Variants in DGCR2 observed in about 807,000 individuals in gnomAD.
DGCR2 encodes DiGeorge syndrome critical region gene 2, also known as integral membrane protein DGCR2/IDD.
Under a neutral mutation model 51.6 loss-of-function variants are expected in DGCR2, and 24 were observed. The ratio of observed to expected loss-of-function variants is 0.47; its 90% CI spans 0.34 to 0.65. The LOEUF is 0.65. Among genes scored for constraint, DGCR2 ranks in the 30% least tolerant of loss-of-function variants. The probability of loss-of-function intolerance (pLI) is 0.01; values close to 1 mark genes in which losing one functional copy is unlikely to be tolerated. For missense variants in DGCR2, 765 were observed against 772.1 expected, an observed-to-expected ratio of 0.99 and a Z score of 0.11; for synonymous variants, 340 against 315.4, an observed-to-expected ratio of 1.08 and a Z score of -0.82.
intron 1 of DGCR2, 111 bp downstream of exon 1, chr22:19,122,017 T>A: frequency 4.6e-4 from 231 of 499,940 alleles, no homozygotes; most frequent in Middle Eastern, 7.3e-4. Context: ...CGCCCGCCCC[T>A]GCCCCAGGCG....
chr22:19,068,259 T>C (rs1309276479), intron 2 of DGCR2, 34 bp from the exon 3 acceptor site: 1 of 1,551,294 alleles, frequency 6.4e-7, no homozygotes, highest in South Asian at 1.2e-5. Flanking sequence ...CTGTGAGTCC[T>C]GCCTGTGCAG....
At chr22:19,063,138 G>T in intron 5 of DGCR2, 64 bp downstream of exon 5, 5 of 1,476,636 alleles carry the variant, frequency 3.4e-6, no homozygotes, top group Non-Finnish European at 4.7e-6. Flanking sequence ...AGGGAGGAGG[G>T]GAGGCCCCGA....
intron 2 of DGCR2, among the ~76,000 whole-genome samples, chr22:19,084,781 G>C (rs1256178117): frequency 7.5e-6 from 1 of 132,578 alleles, no homozygotes; most frequent in Non-Finnish European, 1.6e-5. Flanking sequence ...GCCCCCGCCC[G>C]GCCAGCCGCC....
intron 2 of DGCR2, among the ~76,000 whole-genome samples, chr22:19,082,054 G>GTTTTTT (rs1569068875): frequency 1.7e-5 from 2 of 116,464 alleles, no homozygotes; most frequent in Non-Finnish European, 2.1e-5. Flanking sequence ...TGTTTTTTGG[G>GTTTTTT]GTTTTTTTTG....
intron 5 of DGCR2, 110 bp downstream of exon 5, chr22:19,063,092 C>CCCCTACA: frequency 9.8e-7 from 1 of 1,017,964 alleles, no homozygotes; most frequent in African/African-American, 1.9e-5. Flanking sequence ...CCACTCCCTG[C>CCCCTACA]ACAGCACCCC....
intron 3 of DGCR2, 188 bp from the exon 4 acceptor site, chr22:19,065,255 G>T: frequency 1.7e-6 from 1 of 594,700 alleles, no homozygotes; most frequent in Non-Finnish European, 3.0e-6. Context: ...CTAAAACACA[G>T]ATTCAATGAT....
intron 2 of DGCR2, among the ~76,000 whole-genome samples, chr22:19,084,632 G>A (rs1308312196): frequency 1.4e-5 from 2 of 146,000 alleles, no homozygotes; most frequent in African/African-American, 2.6e-5. Context: ...AGTGAGGAGC[G>A]TCTCCGCCCG....
intron 1 of DGCR2, among the ~76,000 whole-genome samples, chr22:19,116,578 G>A (rs1271586110): frequency 1.3e-5 from 2 of 152,176 alleles, no homozygotes; most frequent in African/African-American, 4.8e-5. Flanking sequence ...AAAGGAAAGA[G>A]GACGGTCATC....
At chr22:19,109,126 A>AAAAC (rs376021785) in intron 1 of DGCR2, among the ~76,000 whole-genome samples, 11 of 152,244 alleles carry the variant, frequency 7.2e-5, no homozygotes, top group Non-Finnish European at 1.3e-4. Flanking sequence ...GCCACTGTCA[A>AAAAC]AAACAAACAA....
At chr22:19,052,074 C>A (rs1285857304) in intron 6 of DGCR2, among the ~76,000 whole-genome samples, 1 of 152,154 alleles carries the variant, frequency 6.6e-6, no homozygotes, top group Admixed American at 6.5e-5. Context: ...CCTGCAACTA[C>A]GATACAATCA....
At position 19,057,452 on chromosome 22, in the gene DGCR2, C is replaced by T. The variant is rs145623644; in HGVS notation, c.626-290G>A. Among the ~76,000 whole-genome samples the T allele has an allele frequency of 4.4e-3, 669 of 152,308 alleles. 11 individuals carry two copies. Among genetic ancestry groups the T allele is most frequent in the African/African-American group, 0.015 (639 of 41,558 alleles). The stretch of plus-strand genomic sequence containing the variant: ...AGCACCAGAAGAGGGTGCTGGATCA[C>T]GGTTAGTGGGTGGCATTTAAAGTTA... On this transcript the variant is annotated intron_variant, in intron 5 of 9. Coordinates refer to ENST00000263196, the MANE Select transcript of DGCR2 (RefSeq NM_005137.3). The surrounding 1 kb of genome is among the most constrained non-coding windows in gnomAD (Gnocchi z 5.1).
chr22:19,066,615 C>CCCCT (rs1344719296), intron 3 of DGCR2, among the ~76,000 whole-genome samples: 5 of 152,156 alleles, frequency 3.3e-5, no homozygotes, highest in Non-Finnish European at 5.9e-5. Flanking sequence ...AGAGGCCAGG[C>CCCCT]CCCTATCTCA....
At chr22:19,100,977 G>C (rs145050371) in intron 1 of DGCR2, among the ~76,000 whole-genome samples, 1 of 151,830 alleles carries the variant, frequency 6.6e-6, no homozygotes, top group Non-Finnish European at 1.5e-5. Flanking sequence ...GTGGTGGCAC[G>C]CTCCTGTAGT....
At position 19,068,051 on chromosome 22, in the gene DGCR2, T is replaced by C. The variant is rs767063631; in HGVS notation, c.328+49A>G. On this transcript the variant is annotated intron_variant, in intron 3 of 9. Transcript: ENST00000263196. ...TAGTGCTGGAAAGGCAGGGGTCATG[T>C]CAGGCTTGCACTCCCCAGTGTCCCA... 7 of 1,496,624 alleles carry C rather than the reference T, an allele frequency of 4.7e-6. No individual in the cohort carries two copies. In the East Asian group the frequency reaches 9.6e-5, roughly 21 times the overall value. The allele number at this position is 1,496,624 out of a possible 1,614,324, so 92.7% of individuals were successfully genotyped here. A position where few individuals can be genotyped will look rare whatever the true frequency, so the allele number is the denominator to read the frequency against.
intron 2 of DGCR2, among the ~76,000 whole-genome samples, chr22:19,079,783 C>A (rs1330607174): frequency 6.6e-6 from 1 of 152,260 alleles, no homozygotes; most frequent in Non-Finnish European, 1.5e-5. Context: ...CCACATTTAA[C>A]CACGATATGA....
rs149869568 is a variant in DGCR2 at position 19,095,055 on chromosome 22, T to G, written c.80-5565A>C. On this transcript the variant is annotated intron_variant, in intron 1 of 9. Transcript: ENST00000263196. ...TGACTGTGGTGACGGTTTCACAGAT[T>G]TATACATATATGAAAACTCAAATTT... Among the ~76,000 whole-genome samples, 39 of 152,148 alleles carry G rather than the reference T, an allele frequency of 2.6e-4. 1 individual carries two copies. The East Asian group carries it at 7.4e-3, about 29-fold the overall frequency.
At position 19,057,085 on chromosome 22, in the gene DGCR2, G is replaced by A. The variant is rs777563623; in HGVS notation, c.703C>T (p.Gln235Ter). ...MSENDNVFCA[Q>*]LQCFHFPTLR... ...GTGGGGAAATGGAAGCACTGAAGCT[G>A]GGCACAGAACACGTTGTCGTTCTCA... The change falls in exon 6 of 10, where the codon CAG becomes TAG. Residue 235 changes from glutamine to a stop codon, truncating the protein, a stop_gained. Transcript: ENST00000263196. LOFTEE classifies it high-confidence loss of function. The surrounding 1 kb of genome is among the most constrained non-coding windows in gnomAD (Gnocchi z 5.1). 1 of 1,605,646 alleles carries A rather than the reference G, an allele frequency of 6.2e-7. No homozygotes were observed. The highest frequency in any genetic ancestry group is 8.5e-7 in the Non-Finnish European group (1 of 1,176,272).
Position 19,070,730 on chromosome 22 carries a change from T to C in DGCR2, c.203-2505A>G, listed in dbSNP as rs999219509. On this transcript the variant is annotated intron_variant, in intron 2 of 9. Transcript: ENST00000263196. ...TCTGTTGAGCAGGCTTCTCTGGGTTTAGGTGGCAATTGTGAGCCCTTTCTT... is the reference window on the plus strand; with the variant it reads ...TCTGTTGAGCAGGCTTCTCTGGGTTCAGGTGGCAATTGTGAGCCCTTTCTT... Among the ~76,000 whole-genome samples the C allele has an allele frequency of 5.9e-5, 9 of 152,248 alleles. 1 individual carries two copies. The highest frequency in any genetic ancestry group is 2.2e-4 in the African/African-American group (9 of 41,468).
In DGCR2 at chr22:19,121,006, G is replaced by C. The variant is rs555411835; in HGVS notation, c.79+1122C>G. Among the ~76,000 whole-genome samples the C allele has an allele frequency of 7.2e-5, 11 of 152,322 alleles. No homozygotes were observed. The South Asian group carries it at 2.3e-3, about 32-fold the overall frequency. On this transcript the variant is annotated intron_variant, in intron 1 of 9. Transcript: ENST00000263196. ...CGGTCAGGGCCTTGGCCACCAGGCAGGCACTAGGGAGGAGGCAGACATTCC... is the reference window on the plus strand; with the variant it reads ...CGGTCAGGGCCTTGGCCACCAGGCACGCACTAGGGAGGAGGCAGACATTCC...
Sources: allele counts gnomAD v4.1 joint callset (sites outside exome capture counted in the v4.1 genomes callset), GRCh38; gene constraint gnomAD v4.1.1; non-coding constraint Gnocchi (gnomAD v3.1); transcripts MANE v1.5; gene names NCBI Gene and HGNC (gene_info 2026-07-23, HGNC 2026-07-21).